Variants in ZMAT4 observed in about 807,000 individuals in gnomAD.
The protein encoded by ZMAT4 is zinc finger matrin-type 4, also known as zinc finger matrin-type protein 4.
A neutral mutation model predicts 28.7 loss-of-function variants in ZMAT4; 17 were observed. The observed-to-expected ratio is 0.59, with a 90% CI of 0.41 to 0.89. ZMAT4 has a LOEUF of 0.89. Ranked by LOEUF, ZMAT4 falls within the 40% of genes least tolerant of loss-of-function variation. ZMAT4 has a pLI of 0.00. For missense variants in ZMAT4, 240 were observed against 283.8 expected (o/e 0.85, Z 1.11); for synonymous variants, 117 against 109.2 (o/e 1.07, Z -0.44).
At chr8:40,730,428 T>C (rs144048378) in intron 3 of ZMAT4, among the ~76,000 whole-genome samples, 355 of 152,364 alleles carry the variant, frequency 2.3e-3, no homozygotes, top group Middle Eastern at 0.01. Flanking sequence ...GATTCCAACA[T>C]ACAAAAATAG....
chr8:40,875,890 G>T (rs911393353), intron 1 of ZMAT4, among the ~76,000 whole-genome samples: 2 of 152,166 alleles, frequency 1.3e-5, no homozygotes, highest in African/African-American at 4.8e-5. Context: ...CTGTACCAAG[G>T]GGAGGCCAAC....
At chr8:40,815,452 G>C (rs1042079493) in intron 2 of ZMAT4, among the ~76,000 whole-genome samples, 5 of 152,126 alleles carry the variant, frequency 3.3e-5, no homozygotes, top group African/African-American at 1.2e-4. Context: ...ACTCAAAAGA[G>C]GAATGGCTTT....
chr8:40,763,998 A>AT (rs1813043748), intron 3 of ZMAT4, among the ~76,000 whole-genome samples: 2 of 152,094 alleles, frequency 1.3e-5, no homozygotes, highest in Admixed American at 1.3e-4. Context: ...CAAAAAAAAA[A>AT]CCCAGGTAAA....
intron 2 of ZMAT4, among the ~76,000 whole-genome samples, chr8:40,800,770 G>A (rs1000261546): frequency 6.6e-5 from 10 of 152,010 alleles, no homozygotes; most frequent in Non-Finnish European, 1.2e-4. Flanking sequence ...AAAATTCATG[G>A]CATTGAATGC....
chr8:40,738,942 TAA>T (rs977481820), intron 3 of ZMAT4, among the ~76,000 whole-genome samples: 4 of 152,256 alleles, frequency 2.6e-5, no homozygotes, highest in African/African-American at 9.6e-5. Context: ...TTAGTGCTCA[TAA>T]AAGTTTCATT....
intron 1 of ZMAT4, among the ~76,000 whole-genome samples, chr8:40,833,366 G>A (rs1047325458): frequency 2.6e-5 from 4 of 152,052 alleles, no homozygotes; most frequent in South Asian, 2.1e-4. Flanking sequence ...TCAGGAGTTC[G>A]AGACCAGCCT....
At chr8:40,728,627 T>C (rs1162090468) in intron 3 of ZMAT4, among the ~76,000 whole-genome samples, 1 of 152,178 alleles carries the variant, frequency 6.6e-6, no homozygotes, top group Non-Finnish European at 1.5e-5. Context: ...TGCCTCTGGT[T>C]GAGAACCACT....
chr8:40,828,696 A>G (rs1178397325), intron 1 of ZMAT4, among the ~76,000 whole-genome samples: 1 of 152,234 alleles, frequency 6.6e-6, no homozygotes, highest in African/African-American at 2.4e-5. Context: ...TGAGTGGAAT[A>G]TCTGAACAAG....
At chr8:40,589,731 C>CCTTTCCTTTCTTTCTTTCTTTCTTTCTTT (rs1554523992) in intron 5 of ZMAT4, among the ~76,000 whole-genome samples, 12 of 139,274 alleles carry the variant, frequency 8.6e-5, no homozygotes, top group African/African-American at 3.0e-4. Context: ...TTCTTCCTTT[C>CCTTTCCTTTCTTTCTTTCTTTCTTTCTTT]CTTTCTTTCT....
At chr8:40,857,939 T>G (rs1476797576) in intron 1 of ZMAT4, among the ~76,000 whole-genome samples, 1 of 152,206 alleles carries the variant, frequency 6.6e-6, no homozygotes, top group Non-Finnish European at 1.5e-5. Context: ...ATGATCCATT[T>G]ATATGAAGTT....
At chr8:40,887,180 A>C (rs989559479) in intron 1 of ZMAT4, among the ~76,000 whole-genome samples, 25 of 149,834 alleles carry the variant, frequency 1.7e-4, no homozygotes, top group Non-Finnish European at 3.1e-4. Flanking sequence ...CAAAAAAAAA[A>C]AAAAAAAAAG....
At chr8:40,616,796 T>C (rs1230130383) in intron 5 of ZMAT4, among the ~76,000 whole-genome samples, 2 of 151,374 alleles carry the variant, frequency 1.3e-5, no homozygotes, top group African/African-American at 4.9e-5. Flanking sequence ...AAATGACGAG[T>C]TAATGGGTGC....
intron 5 of ZMAT4, among the ~76,000 whole-genome samples, chr8:40,610,969 A>G (rs954053349): frequency 6.7e-6 from 1 of 148,564 alleles, no homozygotes; most frequent in African/African-American, 2.5e-5. Context: ...TTAGCTCATC[A>G]CTACATAACT....
chr8:40,756,558 GACT>G (rs1296489508), intron 3 of ZMAT4, among the ~76,000 whole-genome samples: 1 of 149,414 alleles, frequency 6.7e-6, no homozygotes, highest in Non-Finnish European at 1.5e-5. Context: ...GTAAGTAGGG[GACT>G]ACATAAATTA....
chr8:40,570,134 A>G lies in ZMAT4; in HGVS notation c.674+11031T>C, dbSNP rs961788004. ...TATGTTGAGCAGAAGCAGCCAGACA[A>G]AAAAGAAAGCATGCCATATTATTCC... On this transcript the variant is annotated intron_variant, in intron 6 of 6. Coordinates refer to ENST00000297737, the MANE Select transcript of ZMAT4 (RefSeq NM_024645.3). 8.5e-5 allele frequency among the ~76,000 whole-genome samples: 13 copies of G among 152,358 alleles called. 1 individual carries two copies. The highest frequency in any genetic ancestry group is 3.1e-4 in the African/African-American group (13 of 41,592).
At chr8:40,821,471 A>AT (rs944155312) in intron 2 of ZMAT4, among the ~76,000 whole-genome samples, 1 of 151,690 alleles carries the variant, frequency 6.6e-6, no homozygotes, top group Non-Finnish European at 1.5e-5. Context: ...TATGTTCCCT[A>AT]TTTTTTTTCA....
chr8:40,738,912 A>G (rs970726828), intron 3 of ZMAT4, among the ~76,000 whole-genome samples: 9 of 152,224 alleles, frequency 5.9e-5, no homozygotes, highest in Non-Finnish European at 1.3e-4. Flanking sequence ...ATCGTGTGTC[A>G]ACTTCATTAA....
chr8:40,890,161 A>C (rs976640284), intron 1 of ZMAT4, among the ~76,000 whole-genome samples: 1 of 152,158 alleles, frequency 6.6e-6, no homozygotes, highest in Non-Finnish European at 1.5e-5. Flanking sequence ...TCACTTCTCT[A>C]TCAGGGAAAG....
At chr8:40,809,262 T>C (rs1378174357) in intron 2 of ZMAT4, among the ~76,000 whole-genome samples, 1 of 151,126 alleles carries the variant, frequency 6.6e-6, no homozygotes, top group Admixed American at 6.6e-5. Context: ...TGAGTACACA[T>C]GGACATAAAG....
Sources: allele counts gnomAD v4.1 joint callset (sites outside exome capture counted in the v4.1 genomes callset), GRCh38; gene constraint gnomAD v4.1.1; transcripts MANE v1.5; gene names NCBI Gene and HGNC (gene_info 2026-07-23, HGNC 2026-07-21).